The following LMNTD1 variants were observed in gnomAD, a reference collection of about 807,000 sequenced individuals.
LMNTD1 encodes lamin tail domain-containing protein 1.
Under a neutral mutation model 50.9 loss-of-function variants are expected in LMNTD1, and 35 were observed. The ratio of observed to expected loss-of-function variants is 0.69; its 90% CI spans 0.53 to 0.91. The LOEUF (loss-of-function observed/expected upper bound fraction) is 0.91. Ranked by LOEUF, LMNTD1 falls within the 40% of genes least tolerant of loss-of-function variation. The pLI is 0.00. For missense variants in LMNTD1, 470 were observed against 475.5 expected (o/e 0.99, Z 0.11); for synonymous variants, 153 against 161.9 (o/e 0.94, Z 0.42).
intron 9 of LMNTD1, among the ~76,000 whole-genome samples, chr12:25,480,944 A>G (rs1938424628): frequency 6.6e-6 from 1 of 152,210 alleles, no homozygotes; most frequent in African/African-American, 2.4e-5. Context: ...AAGAATCTTT[A>G]GGCATCAAGG....
At chr12:25,549,590 A>C in intron 2 of LMNTD1, 44 bp from the exon 3 acceptor site, 1 of 1,163,150 alleles carries the variant, frequency 8.6e-7, no homozygotes, top group Non-Finnish European at 1.2e-6. Context: ...TAAGAAAGTA[A>C]AAGTGGCTGT....
chr12:25,506,655 C>G (rs946810269), intron 8 of LMNTD1, among the ~76,000 whole-genome samples: 15 of 151,260 alleles, frequency 9.9e-5, no homozygotes, highest in African/African-American at 3.7e-4. Context: ...AGCCTTCATT[C>G]TGACGACTCC....
chr12:25,545,524 A>G (rs1480518278), intron 4 of LMNTD1, among the ~76,000 whole-genome samples: 3 of 151,692 alleles, frequency 2.0e-5, no homozygotes, highest in Non-Finnish European at 4.4e-5. Context: ...GTGGCTGGAT[A>G]GGGATTGAAG....
chr12:25,644,712 G>A (rs1365352828), intron 1 of LMNTD1, among the ~76,000 whole-genome samples: 8 of 152,162 alleles, frequency 5.3e-5, no homozygotes, highest in Non-Finnish European at 1.2e-4. Flanking sequence ...AGCCATAGAT[G>A]CTGCAGAATA....
rs1174425864 is a variant in LMNTD1 at position 25,479,719 on chromosome 12, T to C, written c.*23-3259A>G. ...CTTGGCAGAAGTGTTATGTGCAGGA[T>C]AGGCAAACTCATATCTGGAGTAAGT... is the stretch of plus-strand genomic sequence containing the variant. On this transcript the variant is annotated intron_variant, in intron 9 of 9. Coordinates refer to ENST00000458174, the MANE Select transcript of LMNTD1 (RefSeq NM_001145728.2). Among the ~76,000 whole-genome samples, 3 of 152,210 alleles carry C rather than the reference T, an allele frequency of 2.0e-5. No individual in the cohort carries two copies. In the East Asian group the frequency reaches 5.8e-4, roughly 29 times the overall value.
intron 3 of LMNTD1, among the ~76,000 whole-genome samples, chr12:25,548,172 G>A (rs1943544878): frequency 6.6e-6 from 1 of 151,426 alleles, no homozygotes; most frequent in African/African-American, 2.4e-5. Flanking sequence ...TACAAAAAAT[G>A]AAACATAGGG....
chr12:25,510,942 G>T (rs1455076660), intron 8 of LMNTD1, among the ~76,000 whole-genome samples: 13 of 152,236 alleles, frequency 8.5e-5, no homozygotes, highest in Admixed American at 6.5e-5. Flanking sequence ...GCTTTGCTTG[G>T]TGAGTGTAAG....
At chr12:25,550,717 G>A (rs966380978) in intron 2 of LMNTD1, among the ~76,000 whole-genome samples, 4 of 152,118 alleles carry the variant, frequency 2.6e-5, no homozygotes, top group African/African-American at 9.7e-5. Flanking sequence ...CAATATCTCT[G>A]TTTACCAAGA....
chr12:25,486,181 T>C (rs1292107464), intron 9 of LMNTD1, among the ~76,000 whole-genome samples: 2 of 134,702 alleles, frequency 1.5e-5, no homozygotes, highest in Non-Finnish European at 3.2e-5. Flanking sequence ...TTTTATTTCA[T>C]TGAGCAGTGG....
chr12:25,477,895 G>A (rs778442563), intron 9 of LMNTD1, among the ~76,000 whole-genome samples: 2 of 152,074 alleles, frequency 1.3e-5, no homozygotes, highest in Non-Finnish European at 2.9e-5. Context: ...TCTGGAGGCT[G>A]ACAAGCAAGG....
chr12:25,555,122 A>T (rs1377629198), upstream of LMNTD1, among the ~76,000 whole-genome samples: 1 of 152,014 alleles, frequency 6.6e-6, no homozygotes, highest in Non-Finnish European at 1.5e-5. Context: ...TCTATATGTC[A>T]TATAAATACA....
At chr12:25,523,404 A>C (rs1941487289) in intron 6 of LMNTD1, among the ~76,000 whole-genome samples, 1 of 152,224 alleles carries the variant, frequency 6.6e-6, no homozygotes, top group Non-Finnish European at 1.5e-5. Context: ...ATATTATTCA[A>C]GTCCAGAAAC....
At chr12:25,645,203 G>C (rs1290214732) in intron 1 of LMNTD1, among the ~76,000 whole-genome samples, 2 of 152,198 alleles carry the variant, frequency 1.3e-5, no homozygotes, top group Non-Finnish European at 2.9e-5. Flanking sequence ...AGCCAGGTAA[G>C]TACAGGGAGA....
intron 9 of LMNTD1, among the ~76,000 whole-genome samples, chr12:25,501,448 A>G (rs1402474360): frequency 6.6e-6 from 1 of 152,178 alleles, no homozygotes; most frequent in African/African-American, 2.4e-5. Flanking sequence ...CCTGCTTCTA[A>G]ATGTGTGGTG....
At chr12:25,577,563 T>C (rs978825271) in intron 1 of LMNTD1, among the ~76,000 whole-genome samples, 2 of 152,322 alleles carry the variant, frequency 1.3e-5, no homozygotes, top group Middle Eastern at 3.4e-3. Flanking sequence ...AAGTTGCTTA[T>C]CAGCTTAAGG....
chr12:25,485,891 C>T (rs1162611449), intron 9 of LMNTD1, among the ~76,000 whole-genome samples: 1 of 144,844 alleles, frequency 6.9e-6, no homozygotes. Flanking sequence ...CAGTACCATG[C>T]TGTTTTGGTT....
intron 1 of LMNTD1, among the ~76,000 whole-genome samples, chr12:25,611,860 G>A (rs1376155471): frequency 6.6e-6 from 1 of 152,178 alleles, no homozygotes; most frequent in African/African-American, 2.4e-5. Flanking sequence ...GATTTAAATG[G>A]TTCTTTATAC....
rs1452421290 is a variant in LMNTD1, at chr12:25,517,492, G to T, written c.1189+1303C>A. Among the ~76,000 whole-genome samples, 20 of 39,514 alleles carry T rather than the reference G, an allele frequency of 5.1e-4. 7 individuals carry two copies. The highest frequency in any genetic ancestry group is 1.2e-3 in the African/African-American group (20 of 16,686). 25.9% of individuals were successfully genotyped at this position (39,514 alleles called of 152,430 possible). A position where few individuals can be genotyped will look rare whatever the true frequency, so the allele number is the denominator to read the frequency against. ...AAACACCGCATCTTCTCACTCATAG[G>T]TGGGAATTGAACAATGAGAACACAT... On this transcript the variant is annotated intron_variant, in intron 8 of 9. Coordinates refer to ENST00000458174, the MANE Select transcript of LMNTD1 (RefSeq NM_001145728.2).
At chr12:25,554,614 G>GTAGTCATTAAAGATTCGGGTCGGGTAT (rs1943955400), upstream of LMNTD1, among the ~76,000 whole-genome samples, 1 of 152,240 alleles carries the variant, frequency 6.6e-6, no homozygotes, top group Non-Finnish European at 1.5e-5. Context: ...GATGTTGATA[G>GTAGTCATTAAAGATTCGGGTCGGGTAT]TAGTCATTAA....
Sources: allele counts gnomAD v4.1 joint callset (sites outside exome capture counted in the v4.1 genomes callset), GRCh38; gene constraint gnomAD v4.1.1; transcripts MANE v1.5; gene names NCBI Gene and HGNC (gene_info 2026-07-23, HGNC 2026-07-21).